The following PCDH15 variants were observed in gnomAD, a reference collection of about 807,000 sequenced individuals.
PCDH15 encodes protocadherin-15.
In PCDH15, 129 loss-of-function variants were observed where a neutral mutation model predicts 178.5. That is an observed-to-expected ratio of 0.72 (90% CI 0.63 to 0.84). The LOEUF is 0.84. Ranked by LOEUF, PCDH15 falls within the 40% of genes least tolerant of loss-of-function variation. PCDH15 has a pLI of 0.00. For synonymous variants in PCDH15, 800 were observed against 732.0 expected, an observed-to-expected ratio of 1.09 and a Z score of -1.50; for missense variants, 2,230 against 2,099.9, an observed-to-expected ratio of 1.06 and a Z score of -1.21.
At chr10:54,158,451 A>G (rs992227212) in intron 13 of PCDH15, among the ~76,000 whole-genome samples, 3 of 152,158 alleles carry the variant, frequency 2.0e-5, no homozygotes, top group African/African-American at 7.2e-5. Flanking sequence ...GATCCCTCCC[A>G]CAATACTTGG....
intron 2 of PCDH15, among the ~76,000 whole-genome samples, chr10:55,424,741 G>T (rs550601099): frequency 1.3e-5 from 2 of 151,962 alleles, no homozygotes; most frequent in South Asian, 4.2e-4. Context: ...AAGAAAAAAG[G>T]CAAATTAATT....
chr10:55,106,616 AT>A (rs1842679232), intron 2 of PCDH15, among the ~76,000 whole-genome samples: 1 of 152,096 alleles, frequency 6.6e-6, no homozygotes, highest in East Asian at 1.9e-4. Flanking sequence ...GGGTTTCACC[AT>A]GTTGGCCAGG....
chr10:54,090,577 G>A (rs1267773690), intron 15 of PCDH15, among the ~76,000 whole-genome samples: 1 of 148,300 alleles, frequency 6.7e-6, no homozygotes, highest in East Asian at 2.0e-4. Context: ...CCGGGAGGCA[G>A]ATGTTTCAAT....
rs192034054 is a variant in PCDH15, at chr10:55,451,063, A to T, written c.-156+176562T>A. Reference sequence around the variant, plus strand: ...GCAAAGGAGATTTCAGAGAGCTACAATGGCATGATAGGCCAGGAAGTTCTC... The same window carrying T: ...GCAAAGGAGATTTCAGAGAGCTACATTGGCATGATAGGCCAGGAAGTTCTC... On this transcript the variant is annotated intron_variant, in intron 2 of 5. Coordinates refer to the PCDH15 transcript ENST00000613346. Among the ~76,000 whole-genome samples, 230 of 150,702 alleles carry T rather than the reference A, an allele frequency of 1.5e-3. 2 individuals are homozygous for T. Among genetic ancestry groups the T allele is most frequent in the Non-Finnish European group, 2.5e-3 (169 of 67,784 alleles).
intron 27 of PCDH15, among the ~76,000 whole-genome samples, chr10:53,863,699 G>A (rs1347729824): frequency 6.6e-6 from 1 of 152,166 alleles, no homozygotes; most frequent in East Asian, 1.9e-4. Flanking sequence ...ATTGTTGTGA[G>A]AATAATCTGA....
At chr10:53,847,494 C>T (rs779720473) in intron 28 of PCDH15, among the ~76,000 whole-genome samples, 4 of 152,052 alleles carry the variant, frequency 2.6e-5, no homozygotes, top group Non-Finnish European at 4.4e-5. Flanking sequence ...CTAAGTAGTG[C>T]TCTAGATGCC....
At chr10:54,920,382 T>C (rs1837454112) in intron 2 of PCDH15, among the ~76,000 whole-genome samples, 1 of 140,874 alleles carries the variant, frequency 7.1e-6, no homozygotes, top group South Asian at 2.3e-4. Flanking sequence ...GGCAGGATAA[T>C]GGCTTGAACC....
intron 2 of PCDH15, among the ~76,000 whole-genome samples, chr10:55,151,878 A>C (rs2589429): frequency 0.9 from 137,045 of 151,922 alleles, 62,479 homozygotes; most frequent in Non-Finnish European, 0.97. Context: ...GAAGAATACC[A>C]GGTGATAAGG....
At chr10:54,858,554 GA>G (rs1953781771) in intron 3 of PCDH15, among the ~76,000 whole-genome samples, 1 of 152,026 alleles carries the variant, frequency 6.6e-6, no homozygotes, top group Admixed American at 6.6e-5. Context: ...GTGTTCTGTA[GA>G]ATTCCTCCTC....
intron 1 of PCDH15, among the ~76,000 whole-genome samples, chr10:55,178,210 A>C (rs1839548919): frequency 6.6e-6 from 1 of 152,156 alleles, no homozygotes; most frequent in Non-Finnish European, 1.5e-5. Context: ...AAGGCCACCA[A>C]AAATGGGTGG....
chr10:54,403,795 T>C (rs1589233438), intron 3 of PCDH15, among the ~76,000 whole-genome samples: 1 of 151,588 alleles, frequency 6.6e-6, no homozygotes, highest in South Asian at 2.1e-4. Flanking sequence ...TGGACACCAA[T>C]AACATTCAAG....
chr10:54,975,957 TA>T (rs1254740472), intron 2 of PCDH15, among the ~76,000 whole-genome samples: 5 of 152,154 alleles, frequency 3.3e-5, no homozygotes, highest in Non-Finnish European at 4.4e-5. Flanking sequence ...TTATTGTCCT[TA>T]AGTTGAAGTG....
chr10:55,339,173 T>C (rs1019061381), intron 2 of PCDH15, among the ~76,000 whole-genome samples: 6 of 152,136 alleles, frequency 3.9e-5, no homozygotes, highest in African/African-American at 1.4e-4. Flanking sequence ...GAATGGTAAA[T>C]GCTTGTGGTT....
At chr10:54,905,216 A>AG (rs1954699234) in intron 2 of PCDH15, among the ~76,000 whole-genome samples, 1 of 151,716 alleles carries the variant, frequency 6.6e-6, no homozygotes, top group Admixed American at 6.6e-5. Context: ...TAATATCAAA[A>AG]GTATTTCTTT....
At chr10:54,256,047 T>C (rs565342019) in intron 8 of PCDH15, among the ~76,000 whole-genome samples, 99 of 152,216 alleles carry the variant, frequency 6.5e-4, no homozygotes, top group African/African-American at 2.3e-3. Flanking sequence ...ATTCCGAGAA[T>C]AGTCTCCGGA....
chr10:54,908,914 C>T (rs1047413041), intron 2 of PCDH15, among the ~76,000 whole-genome samples: 1 of 152,098 alleles, frequency 6.6e-6, no homozygotes, highest in Non-Finnish European at 1.5e-5. Flanking sequence ...GCTCAGCTCT[C>T]AGCAGAGAGG....
At chr10:54,618,403 C>T (rs1026715127) in intron 2 of PCDH15, among the ~76,000 whole-genome samples, 6 of 151,932 alleles carry the variant, frequency 3.9e-5, no homozygotes, top group African/African-American at 1.2e-4. Flanking sequence ...GATGTAAAAC[C>T]GGGGAAATAT....
chr10:54,408,986 C>T (rs1953085172), intron 3 of PCDH15, among the ~76,000 whole-genome samples: 1 of 152,104 alleles, frequency 6.6e-6, no homozygotes, highest in Admixed American at 6.6e-5. Context: ...GTGAGAGGGA[C>T]CCAGTGGGAG....
At chr10:55,004,817 C>T (rs943038405) in intron 2 of PCDH15, among the ~76,000 whole-genome samples, 6 of 152,240 alleles carry the variant, frequency 3.9e-5, no homozygotes, top group African/African-American at 1.4e-4. Flanking sequence ...ATTTTGATAA[C>T]ATCAGTTATA....
Sources: gnomAD v4.1 joint callset for allele counts (sites outside exome capture counted in the v4.1 genomes callset) on GRCh38, gnomAD v4.1.1 for gene constraint, MANE v1.5 for transcripts, NCBI Gene and HGNC (gene_info 2026-07-23, HGNC 2026-07-21) for gene names.